The following BARX2 variants were observed in gnomAD, a reference collection of about 807,000 sequenced individuals.
The protein encoded by BARX2 is homeobox protein BarH-like 2.
A neutral mutation model predicts 25.5 loss-of-function variants in BARX2; 11 were observed. The ratio of observed to expected loss-of-function variants is 0.43; its 90% CI spans 0.27 to 0.71. BARX2 has a LOEUF of 0.71. Ranked by LOEUF, BARX2 falls within the 30% of genes least tolerant of loss-of-function variation. The probability of loss-of-function intolerance (pLI) is 0.19; values close to 1 mark genes in which losing one functional copy is unlikely to be tolerated. For missense variants in BARX2, 360 were observed against 359.9 expected (o/e 1.00, Z 0.00); for synonymous variants, 137 against 149.5 (o/e 0.92, Z 0.61).
chr11:129,450,040 C>A (rs1818734743), intron 3 of BARX2, among the ~76,000 whole-genome samples: 3 of 152,144 alleles, frequency 2.0e-5, no homozygotes, highest in Admixed American at 2.0e-4. Flanking sequence ...CTGTTGGTCA[C>A]CCTCACTGTC....
chr11:129,407,614 G>A (rs1230039392), intron 1 of BARX2, among the ~76,000 whole-genome samples: 1 of 152,144 alleles, frequency 6.6e-6, no homozygotes, highest in African/African-American at 2.4e-5. Context: ...ATACTTATTA[G>A]TGGATAATAC....
chr11:129,412,165 G>A (rs538506002), intron 1 of BARX2, among the ~76,000 whole-genome samples: 2 of 152,010 alleles, frequency 1.3e-5, no homozygotes, highest in South Asian at 2.1e-4. Flanking sequence ...CCAGCTACTC[G>A]GGAGGCTGAG....
chr11:129,451,276 G>A lies in BARX2; in HGVS notation c.714G>A (p.Gln238=), dbSNP rs780446024. ...AQGQEQLEPS[Q]GQEELCEAQE... ...GTCAGGAGCAGCTGGAGCCCTCTCA[G>A]GGGCAGGAGGAGCTCTGTGAAGCAC... The change falls in exon 4 of 4, where the codon CAG becomes CAA. Residue 238 remains glutamine (Q), a synonymous_variant. Transcript: ENST00000281437. 21 of 1,614,082 alleles carry A rather than the reference G, an allele frequency of 1.3e-5. No individual in the cohort carries two copies. The African/African-American group carries it at 2.4e-4, about 18-fold the overall frequency.
chr11:129,450,542 C>A (rs118026264), intron 3 of BARX2, among the ~76,000 whole-genome samples: 1,545 of 152,214 alleles, frequency 0.01, 17 homozygotes, highest in Non-Finnish European at 0.016. Flanking sequence ...ATAATTCTAC[C>A]CAATTACATG....
chr11:129,433,448 T>C (rs1862151021), intron 1 of BARX2, among the ~76,000 whole-genome samples: 1 of 152,180 alleles, frequency 6.6e-6, no homozygotes, highest in African/African-American at 2.4e-5. Flanking sequence ...ATCTTGCCAA[T>C]GGCTTTTTTA....
chr11:129,435,293 G>A (rs1438195862), intron 1 of BARX2, among the ~76,000 whole-genome samples: 2 of 152,168 alleles, frequency 1.3e-5, no homozygotes. Flanking sequence ...AGCAAGTGGT[G>A]ATTTATTGTT....
At chr11:129,421,140 T>C (rs1379684665) in intron 1 of BARX2, among the ~76,000 whole-genome samples, 4 of 152,214 alleles carry the variant, frequency 2.6e-5, no homozygotes, top group Non-Finnish European at 5.9e-5. Context: ...GCCAGTTGGA[T>C]ACCGTGGTTT....
rs937789021 is a variant in BARX2, at chr11:129,383,988, C to T, written c.187+7766C>T. 1.1e-4 allele frequency among the ~76,000 whole-genome samples: 17 copies of T among 152,068 alleles called. No homozygotes were observed. The East Asian group carries it at 1.7e-3, about 16-fold the overall frequency. On this transcript the variant is annotated intron_variant, in intron 1 of 3. Coordinates refer to ENST00000281437, the MANE Select transcript of BARX2 (RefSeq NM_003658.5). ...TCCTGGGTTCAAGTGATTCTCCTGCCGCACCCTACCAAGTAGCTGGGATTA... is the reference window on the plus strand; with the variant it reads ...TCCTGGGTTCAAGTGATTCTCCTGCTGCACCCTACCAAGTAGCTGGGATTA...
chr11:129,391,801 T>G (rs1205666315), intron 1 of BARX2, among the ~76,000 whole-genome samples: 3 of 152,178 alleles, frequency 2.0e-5, no homozygotes, highest in Non-Finnish European at 2.9e-5. Flanking sequence ...TTTTTGGGAC[T>G]TTCTCTTTGC....
intron 1 of BARX2, among the ~76,000 whole-genome samples, chr11:129,428,714 G>A (rs1310753079): frequency 6.6e-6 from 1 of 152,188 alleles, no homozygotes; most frequent in Non-Finnish European, 1.5e-5. Context: ...TTCCAGCCGT[G>A]CCTGTTCTTC....
At chr11:129,412,205 G>A (rs1861896480) in intron 1 of BARX2, among the ~76,000 whole-genome samples, 1 of 151,860 alleles carries the variant, frequency 6.6e-6, no homozygotes, top group Admixed American at 6.6e-5. Flanking sequence ...CTGGGAGGCG[G>A]AGCTTGCAGT....
intron 1 of BARX2, among the ~76,000 whole-genome samples, chr11:129,422,085 G>A (rs535460726): frequency 6.6e-6 from 1 of 152,002 alleles, no homozygotes; most frequent in Non-Finnish European, 1.5e-5. Flanking sequence ...TTGCTCTGTT[G>A]TCCAGGCTGG....
At chr11:129,414,065 C>CAAAAAAA (rs879620964) in intron 1 of BARX2, among the ~76,000 whole-genome samples, 1 of 133,142 alleles carries the variant, frequency 7.5e-6, no homozygotes, top group African/African-American at 2.8e-5. Context: ...GACTCCATCT[C>CAAAAAAA]AAAAAAAAAA....
chr11:129,377,702 T>C, intron 1 of BARX2, among the ~76,000 whole-genome samples: 1 of 152,200 alleles, frequency 6.6e-6, no homozygotes, highest in East Asian at 1.9e-4. Context: ...TTTGTTATAA[T>C]AACTCAATTC....
At chr11:129,448,053 A>G (rs1167209718) in intron 3 of BARX2, among the ~76,000 whole-genome samples, 1 of 152,240 alleles carries the variant, frequency 6.6e-6, no homozygotes, top group Non-Finnish European at 1.5e-5. Flanking sequence ...TTAGCTGTTG[A>G]TGCGGAAAGG....
rs576888583 is a variant in BARX2, at chr11:129,428,366, T to C, written c.188-8385T>C. On this transcript the variant is annotated intron_variant, in intron 1 of 3. Transcript: ENST00000281437. Reference sequence around the variant, plus strand: ...CTTAAGAGTTGTACGTTATCTGTCTTCTCAGTAACCAAAGTGTCTCCTAAT... The same window carrying C: ...CTTAAGAGTTGTACGTTATCTGTCTCCTCAGTAACCAAAGTGTCTCCTAAT... Among the ~76,000 whole-genome samples the C allele has an allele frequency of 3.9e-5, 6 of 152,372 alleles. No individual in the cohort carries two copies. The East Asian group carries it at 1.2e-3, about 29-fold the overall frequency.
rs1343361976 is a variant in BARX2 at position 129,451,357 on chromosome 11, C to T, written c.795C>T (p.Pro265=). The T allele has an allele frequency of 6.2e-7, 1 of 1,614,130 alleles. No individual in the cohort carries two copies. The highest frequency in any genetic ancestry group is 8.5e-7 in the Non-Finnish European group (1 of 1,180,020). Reference sequence around the variant, plus strand: ...AGATGGCAGAGCCACCAGACCCGCCCCAGGAGTTGCCAATACCCTCTTCGG... The same window carrying T: ...AGATGGCAGAGCCACCAGACCCGCCTCAGGAGTTGCCAATACCCTCTTCGG... The part of the protein sequence containing the change: ...PLEMAEPPDP[P]QELPIPSSEP... Residue 265 remains proline, a synonymous_variant, in exon 4 of 4, where the codon CCC becomes CCT. Transcript: ENST00000281437.
At chr11:129,431,506 A>G (rs1380094634) in intron 1 of BARX2, among the ~76,000 whole-genome samples, 1 of 152,196 alleles carries the variant, frequency 6.6e-6, no homozygotes, top group Non-Finnish European at 1.5e-5. Context: ...GCTGTGTAAC[A>G]GTACCTCTCT....
chr11:129,392,684 C>A (rs1355203195), intron 1 of BARX2, among the ~76,000 whole-genome samples: 2 of 151,524 alleles, frequency 1.3e-5, no homozygotes, highest in East Asian at 3.9e-4. Flanking sequence ...TGATCTCGGC[C>A]CACTGCAGCC....
Sources: gnomAD v4.1 joint callset for allele counts (sites outside exome capture counted in the v4.1 genomes callset) on GRCh38, gnomAD v4.1.1 for gene constraint, MANE v1.5 for transcripts, NCBI Gene and HGNC (gene_info 2026-07-23, HGNC 2026-07-21) for gene names.